Variants in MTCL2 observed in about 807,000 individuals in gnomAD.
MTCL2 encodes microtubule cross-linking factor 2.
At chr20:36,839,476 C>G in the MTCL2 span, 26 of 1,598,778 alleles carry the variant, frequency 1.6e-5, no homozygotes, top group Non-Finnish European at 2.1e-5. The surrounding 1 kb of genome is among the most constrained non-coding windows in gnomAD (Gnocchi z 5.1). Flanking sequence ...TCACTGGGCC[C>G]ACAGTAGCAG....
chr20:36,841,721 T>C, the MTCL2 span, among the ~76,000 whole-genome samples: 1 of 152,062 alleles, frequency 6.6e-6, no homozygotes, highest in African/African-American at 2.4e-5. Flanking sequence ...TGTTTTGAGA[T>C]GGGGTCTCAC....
At chr20:36,851,128 G>A in the MTCL2 span, among the ~76,000 whole-genome samples, 3 of 152,080 alleles carry the variant, frequency 2.0e-5, no homozygotes, top group Admixed American at 1.3e-4. Context: ...TTGTGGTGGT[G>A]GCTACAGAAC....
the MTCL2 span, chr20:36,812,726 T>C: frequency 3.1e-6 from 5 of 1,613,896 alleles, no homozygotes; most frequent in South Asian, 1.1e-5. Context: ...GGAATCATTG[T>C]CTTCAGCTCG....
At chr20:36,862,660 T>C in the MTCL2 span, 1 of 1,486,192 alleles carries the variant, frequency 6.7e-7, no homozygotes, top group Non-Finnish European at 8.9e-7. Context: ...GCCCCCACCT[T>C]GAGATAGTCG....
the MTCL2 span, among the ~76,000 whole-genome samples, chr20:36,825,824 T>C: frequency 2.6e-5 from 4 of 152,100 alleles, no homozygotes; most frequent in Admixed American, 6.5e-5. Context: ...CCGCCTCCTG[T>C]GCACAAGCCT....
the MTCL2 span, among the ~76,000 whole-genome samples, chr20:36,788,639 AAAATAAATAAAT>A: frequency 6.6e-6 from 1 of 152,236 alleles, no homozygotes; most frequent in East Asian, 1.9e-4. Context: ...CTCCGTCTCA[AAAATAAATAAAT>A]AAATAAATAA....
the MTCL2 span, among the ~76,000 whole-genome samples, chr20:36,838,256 T>C: frequency 5.3e-5 from 8 of 152,244 alleles, no homozygotes; most frequent in South Asian, 1.7e-3. Context: ...TTCACTGTAT[T>C]AGCCAGGATG....
chr20:36,849,532 TAA>T, the MTCL2 span, among the ~76,000 whole-genome samples: 1 of 152,104 alleles, frequency 6.6e-6, no homozygotes, highest in Non-Finnish European at 1.5e-5. Context: ...CCTCTTGGAC[TAA>T]AGTCATCCTC....
chr20:36,839,741 G>A, the MTCL2 span, among the ~76,000 whole-genome samples: 3 of 152,206 alleles, frequency 2.0e-5, no homozygotes, highest in East Asian at 5.8e-4. The surrounding 1 kb of genome is among the most constrained non-coding windows in gnomAD (Gnocchi z 5.1). Flanking sequence ...GGAGGAAGGG[G>A]GTGCCTCTCA....
chr20:36,819,707 C>T, the MTCL2 span, among the ~76,000 whole-genome samples: 1 of 151,994 alleles, frequency 6.6e-6, no homozygotes, highest in Admixed American at 6.6e-5. Context: ...AAGTGCAGGT[C>T]GGATCCTCTG....
At chr20:36,793,692 G>T in the MTCL2 span, 2 of 1,548,884 alleles carry the variant, frequency 1.3e-6, no homozygotes, top group Non-Finnish European at 1.7e-6. This position sits in a 1 kb window ranked among gnomAD's most constrained non-coding sequence, Gnocchi z 6.8. Flanking sequence ...TTGCCCTGGT[G>T]CAGGTTCCAC....
chr20:36,801,595 G>C, the MTCL2 span, among the ~76,000 whole-genome samples: 1 of 151,246 alleles, frequency 6.6e-6, no homozygotes, highest in Non-Finnish European at 1.5e-5. Flanking sequence ...TGACAAGAAA[G>C]GGAGGGAGTA....
the MTCL2 span, among the ~76,000 whole-genome samples, chr20:36,828,108 G>A: frequency 5.3e-5 from 8 of 152,232 alleles, no homozygotes; most frequent in Non-Finnish European, 1.0e-4. Context: ...CGCCTGCAGC[G>A]AGGAGTGTGC....
the MTCL2 span, among the ~76,000 whole-genome samples, chr20:36,840,453 C>T: frequency 6.6e-6 from 1 of 151,590 alleles, no homozygotes; most frequent in Non-Finnish European, 1.5e-5. Context: ...CAGGCATGAG[C>T]CACCGTGCCC....
the MTCL2 span, chr20:36,793,647 T>G: frequency 6.4e-7 from 1 of 1,550,952 alleles, no homozygotes; most frequent in Non-Finnish European, 8.7e-7. The surrounding 1 kb of genome is among the most constrained non-coding windows in gnomAD (Gnocchi z 6.8). Context: ...CTGTCCCGCG[T>G]GGTGGTGGAG....
the MTCL2 span, among the ~76,000 whole-genome samples, chr20:36,860,267 A>G: frequency 6.6e-6 from 1 of 152,132 alleles, no homozygotes; most frequent in African/African-American, 2.4e-5. Flanking sequence ...GGCATCCTGC[A>G]GCCCTCAGCC....
the MTCL2 span, chr20:36,797,382 A>T: frequency 1.0e-6 from 1 of 989,870 alleles, no homozygotes; most frequent in Non-Finnish European, 1.5e-6. Flanking sequence ...GAGGAGCCCA[A>T]GGTGCAAGGG....
the MTCL2 span, among the ~76,000 whole-genome samples, chr20:36,843,753 T>A: frequency 4.6e-5 from 7 of 152,176 alleles, no homozygotes; most frequent in African/African-American, 1.7e-4. Context: ...TAGGAGGGTC[T>A]AAGTGGACCC....
chr20:36,787,443 A>T, the MTCL2 span, among the ~76,000 whole-genome samples: 2 of 151,912 alleles, frequency 1.3e-5, no homozygotes, highest in Non-Finnish European at 2.9e-5. Context: ...GGTCAGGCTC[A>T]AACTCCTGAC....
Sources: allele counts gnomAD v4.1 joint callset (sites outside exome capture counted in the v4.1 genomes callset), GRCh38; gene constraint gnomAD v4.1.1; non-coding constraint Gnocchi (gnomAD v3.1); transcripts MANE v1.5; gene names NCBI Gene and HGNC (gene_info 2026-07-23, HGNC 2026-07-21).